Variants in CFAP54 observed in about 807,000 individuals in gnomAD.
CFAP54 encodes the protein cilia- and flagella-associated protein 54.
In CFAP54, 290 loss-of-function variants were observed where a neutral mutation model predicts 370.4. The ratio of observed to expected loss-of-function variants is 0.78; its 90% CI spans 0.71 to 0.86. CFAP54 has a LOEUF of 0.86. Among genes scored for constraint, CFAP54 ranks in the 40% least tolerant of loss-of-function variants. CFAP54 has a pLI of 0.00. For missense variants in CFAP54, 3,399 were observed against 3,528.7 expected (o/e 0.96, Z 0.93); for synonymous variants, 1,206 against 1,236.5 (o/e 0.98, Z 0.52).
At chr12:96,722,235 C>T (rs551047890) in intron 50 of CFAP54, among the ~76,000 whole-genome samples, 5 of 152,294 alleles carry the variant, frequency 3.3e-5, no homozygotes, top group African/African-American at 9.6e-5. Flanking sequence ...TGCAAGGTCT[C>T]TTTATGTGAG....
chr12:96,736,925 G>A (rs1355549388), intron 50 of CFAP54, among the ~76,000 whole-genome samples: 3 of 152,178 alleles, frequency 2.0e-5, no homozygotes, highest in Non-Finnish European at 4.4e-5. Context: ...CAGGCTCTGG[G>A]GCTGATTGCC....
chr12:96,793,669 C>T (rs1395870101), intron 63 of CFAP54, among the ~76,000 whole-genome samples: 1 of 152,156 alleles, frequency 6.6e-6, no homozygotes, highest in Non-Finnish European at 1.5e-5. Context: ...TACATTTCTA[C>T]CAGCAGTGTA....
chr12:96,848,853 T>G (rs1160118550), intron 66 of CFAP54, among the ~76,000 whole-genome samples: 2 of 152,258 alleles, frequency 1.3e-5, no homozygotes, highest in Non-Finnish European at 2.9e-5. Context: ...GTGTGAAATT[T>G]CTATGGTTTG....
chr12:96,704,683 T>C, intron 46 of CFAP54, 60 bp from the exon 47 acceptor site: 6 of 697,148 alleles, frequency 8.6e-6, no homozygotes, highest in Non-Finnish European at 1.3e-5. Flanking sequence ...ATTAAATGTT[T>C]TATTGAAAAG....
intron 39 of CFAP54, among the ~76,000 whole-genome samples, chr12:96,664,699 ATATATATATATATATC>A (rs1565934156): frequency 4.9e-4 from 4 of 8,220 alleles, no homozygotes; most frequent in Non-Finnish European, 9.3e-4. Context: ...GTATATATCT[ATATATATATATATATC>A]TATATATATC....
intron 65 of CFAP54, among the ~76,000 whole-genome samples, chr12:96,823,190 G>A (rs1959052506): frequency 6.6e-6 from 1 of 152,048 alleles, no homozygotes; most frequent in African/African-American, 2.4e-5. Context: ...CTTTGTGCTT[G>A]CTTAAATAGC....
At chr12:96,585,541 C>T (rs796076566) in intron 22 of CFAP54, among the ~76,000 whole-genome samples, 27 of 152,242 alleles carry the variant, frequency 1.8e-4, no homozygotes, top group East Asian at 9.7e-4. Context: ...AGACTGGTCA[C>T]GAACTCCTGA....
chr12:96,584,195 G>A (rs1956055413), intron 22 of CFAP54, among the ~76,000 whole-genome samples: 1 of 152,094 alleles, frequency 6.6e-6, no homozygotes, highest in East Asian at 1.9e-4. Flanking sequence ...CCAGTGTAGT[G>A]GCTCACGCCT....
intron 9 of CFAP54, among the ~76,000 whole-genome samples, chr12:96,531,922 C>T (rs1425989549): frequency 1.3e-5 from 2 of 152,106 alleles, no homozygotes; most frequent in African/African-American, 4.8e-5. Flanking sequence ...GATGGGGTTC[C>T]ACCATGTTGG....
At chr12:96,738,056 C>T (rs12320325) in intron 50 of CFAP54, among the ~76,000 whole-genome samples, 1 of 152,132 alleles carries the variant, frequency 6.6e-6, no homozygotes. Flanking sequence ...AGAGTCATGG[C>T]AGAAAACTGG....
At chr12:96,752,480 G>A (rs960314433) in intron 55 of CFAP54, among the ~76,000 whole-genome samples, 6 of 152,136 alleles carry the variant, frequency 3.9e-5, no homozygotes, top group African/African-American at 9.7e-5. Flanking sequence ...TTCAGTATCT[G>A]TATCAGAGTC....
intron 63 of CFAP54, among the ~76,000 whole-genome samples, chr12:96,798,025 G>A (rs1192610790): frequency 6.6e-6 from 1 of 151,694 alleles, no homozygotes; most frequent in African/African-American, 2.4e-5. Context: ...GACAACATAC[G>A]TACTTAACTT....
At position 96,649,984 on chromosome 12, in the gene CFAP54, G is replaced by T. The variant is rs754467122; in HGVS notation, c.4784G>T (p.Gly1595Val). 1 of 1,613,312 alleles carries T rather than the reference G, an allele frequency of 6.2e-7. No homozygotes were observed. The highest frequency in any genetic ancestry group is 1.1e-5 in the South Asian group (1 of 90,984). ...GTTTATGACTCAGACTCTCAATCAGGTTCTAGTGCTAAAGAAAAGGACCGA... is the reference window on the plus strand; with the variant it reads ...GTTTATGACTCAGACTCTCAATCAGTTTCTAGTGCTAAAGAAAAGGACCGA... ...QTVYDSDSQSGSSAKEKDRGA... is the reference protein window; with the variant it reads ...QTVYDSDSQSVSSAKEKDRGA... The change falls in exon 35 of 68, where the codon GGT (glycine) becomes GTT (valine). Residue 1595 changes from glycine to valine, a missense_variant. Physicochemically the swap from Gly to Val is moderately radical, Grantham distance 109 (BLOSUM62 -3). Around this residue, in one of 3 missense-constraint regions of CFAP54, gnomAD observed 2,796 missense variants for 2,869.7 expected, o/e 0.97. Coordinates refer to ENST00000524981, the MANE Select transcript of CFAP54 (RefSeq NM_001306084.2).
chr12:96,704,680 G>T, intron 46 of CFAP54, 63 bp from the exon 47 acceptor site: 2 of 665,272 alleles, frequency 3.0e-6, no homozygotes, highest in East Asian at 3.8e-5. Context: ...CACATTAAAT[G>T]TTTTATTGAA....
intron 64 of CFAP54, among the ~76,000 whole-genome samples, chr12:96,817,494 C>T (rs1958988843): frequency 6.6e-6 from 1 of 151,676 alleles, no homozygotes; most frequent in Non-Finnish European, 1.5e-5. Flanking sequence ...AATCTCCGCT[C>T]ACTGCAAGCT....
intron 67 of CFAP54, among the ~76,000 whole-genome samples, chr12:96,874,864 G>A (rs965593382): frequency 1.3e-5 from 2 of 151,714 alleles, no homozygotes; most frequent in Admixed American, 6.6e-5. Flanking sequence ...TGATCCGCCC[G>A]CCTCGGCCTC....
chr12:96,525,196 C>A (rs1955365369), intron 8 of CFAP54, among the ~76,000 whole-genome samples: 1 of 151,352 alleles, frequency 6.6e-6, no homozygotes, highest in Non-Finnish European at 1.5e-5. Context: ...CATAAAATGG[C>A]TTGCCATTTT....
intron 26 of CFAP54, among the ~76,000 whole-genome samples, chr12:96,604,464 G>T (rs1425329152): frequency 6.6e-6 from 1 of 152,234 alleles, no homozygotes; most frequent in Non-Finnish European, 1.5e-5. Context: ...CAATCGCCAT[G>T]CTGGGAGAAC....
At chr12:96,737,178 G>A (rs924467975) in intron 50 of CFAP54, among the ~76,000 whole-genome samples, 1 of 152,028 alleles carries the variant, frequency 6.6e-6, no homozygotes, top group African/African-American at 2.4e-5. Context: ...GAAATGCCCC[G>A]ACAAGCATTT....
Sources: gnomAD v4.1 joint callset for allele counts (sites outside exome capture counted in the v4.1 genomes callset) on GRCh38, gnomAD v4.1.1 for gene constraint, gnomAD v4.1.1 regional missense constraint, MANE v1.5 for transcripts, NCBI Gene and HGNC (gene_info 2026-07-23, HGNC 2026-07-21) for gene names.